MTSS1: variants seen among roughly 807,000 people sequenced by gnomAD.
MTSS1 encodes MTSS I-BAR domain containing 1.
In MTSS1, 18 loss-of-function variants were observed where a neutral mutation model predicts 79.0. The observed-to-expected ratio is 0.23, with a 90% confidence interval of 0.16 to 0.34. MTSS1 has a LOEUF of 0.34. Among genes scored for constraint, MTSS1 ranks in the 10% least tolerant of loss-of-function variants. The pLI, the probability that MTSS1 is intolerant of heterozygous loss-of-function variation, is 1.00. For missense variants in MTSS1, 815 were observed against 986.2 expected (o/e 0.83, Z 2.33); for synonymous variants, 341 against 368.6 (o/e 0.93, Z 0.86).
At chr8:124,617,711 T>C (rs146802688) in intron 3 of MTSS1, among the ~76,000 whole-genome samples, 2,223 of 152,178 alleles carry the variant, frequency 0.015, 22 homozygotes, top group South Asian at 0.036. Flanking sequence ...AAAATCAGAG[T>C]GGACCTGGAG....
chr8:124,580,385 G>A (rs985131733), intron 6 of MTSS1: 27 of 649,362 alleles, frequency 4.2e-5, no homozygotes, highest in Middle Eastern at 4.3e-4. Context: ...AAAACACAAC[G>A]CACACACAAT....
At chr8:124,577,630 A>G (rs781645500) in intron 6 of MTSS1, 2 of 518,878 alleles carry the variant, frequency 3.9e-6, no homozygotes, top group South Asian at 2.8e-5. Flanking sequence ...GTAAAATTCT[A>G]GCATCCCTGC....
chr8:124,568,676 G>A (rs767324234), intron 6 of MTSS1, 140 bp from the exon 7 acceptor site: 1 of 1,477,252 alleles, frequency 6.8e-7, no homozygotes, highest in Non-Finnish European at 9.2e-7. Flanking sequence ...TGCCCCAAAA[G>A]GATTTAAGGC....
chr8:124,552,745 A>G lies in MTSS1; in HGVS notation c.*247T>C. 1 of 446,160 alleles carries G rather than the reference A, an allele frequency of 2.2e-6. No individual in the cohort carries two copies. Among genetic ancestry groups the G allele is most frequent in the Non-Finnish European group, 3.9e-6 (1 of 255,082 alleles). The allele number at this position is 446,160 out of a possible 1,614,324, so 27.6% of individuals were successfully genotyped here. A position where few individuals can be genotyped will look rare whatever the true frequency, so the allele number is the denominator to read the frequency against. ...GGAATTTGGCACCTTCAGAAAAATC[A>G]AAAGGGAAACTAAGATTAAAATGTG... On this transcript the variant is annotated 3_prime_UTR_variant, in exon 14 of 14. Coordinates refer to ENST00000518547, the MANE Select transcript of MTSS1 (RefSeq NM_014751.6).
chr8:124,669,930 T>C (rs1823808673), intron 3 of MTSS1, among the ~76,000 whole-genome samples: 1 of 152,224 alleles, frequency 6.6e-6, no homozygotes, highest in African/African-American at 2.4e-5. Flanking sequence ...CAGGCTATTT[T>C]AACATTCATT....
rs747089190 is a variant in MTSS1, at chr8:124,591,129, G to A, written c.293+22C>T. ...GAAATCTGCAAGGGTGTTGGCGATCGGGGCCAAAACATGCTCCTCACCTCG... is the reference window on the plus strand; with the variant it reads ...GAAATCTGCAAGGGTGTTGGCGATCAGGGCCAAAACATGCTCCTCACCTCG... On this transcript the variant is annotated intron_variant, in intron 4 of 13. Coordinates refer to ENST00000518547, the MANE Select transcript of MTSS1 (RefSeq NM_014751.6). The A allele has an allele frequency of 2.7e-5, 44 of 1,607,428 alleles. No homozygotes were observed. The Middle Eastern group carries it at 1.0e-3, about 37-fold the overall frequency.
At chr8:124,583,109 T>C (rs1010604296) in intron 6 of MTSS1, among the ~76,000 whole-genome samples, 3 of 152,154 alleles carry the variant, frequency 2.0e-5, no homozygotes, top group Admixed American at 2.0e-4. Flanking sequence ...ATCTGACCGA[T>C]CTCGTGGACC....
intron 3 of MTSS1, among the ~76,000 whole-genome samples, chr8:124,611,678 T>C (rs1456841559): frequency 2.0e-5 from 3 of 152,188 alleles, no homozygotes; most frequent in Non-Finnish European, 4.4e-5. Flanking sequence ...ACCACCATCC[T>C]GAACAAGCTT....
chr8:124,573,076 C>G (rs1828191287), intron 6 of MTSS1, among the ~76,000 whole-genome samples: 1 of 152,204 alleles, frequency 6.6e-6, no homozygotes, highest in Admixed American at 6.5e-5. Context: ...CAAATATTCT[C>G]ACTGCTTTTC....
At chr8:124,594,269 G>A (rs1190346736) in intron 3 of MTSS1, among the ~76,000 whole-genome samples, 1 of 152,176 alleles carries the variant, frequency 6.6e-6, no homozygotes, top group African/African-American at 2.4e-5. Context: ...AGTGGCTCAC[G>A]CCTGTAACCC....
At chr8:124,689,968 A>T (rs1827676191) in intron 3 of MTSS1, among the ~76,000 whole-genome samples, 1 of 152,122 alleles carries the variant, frequency 6.6e-6, no homozygotes, top group African/African-American at 2.4e-5. Context: ...AGAAGAGGGG[A>T]GAATTGTCAG....
At chr8:124,696,564 T>A (rs1828855989) in intron 3 of MTSS1, among the ~76,000 whole-genome samples, 1 of 152,070 alleles carries the variant, frequency 6.6e-6, no homozygotes, top group Admixed American at 6.6e-5. Flanking sequence ...TAAAAATATG[T>A]CAAAGCAGCC....
At chr8:124,690,901 C>A (rs1220115520) in intron 3 of MTSS1, among the ~76,000 whole-genome samples, 1 of 152,050 alleles carries the variant, frequency 6.6e-6, no homozygotes, top group African/African-American at 2.4e-5. Context: ...TATACAGATT[C>A]ATTTGTTATT....
chr8:124,612,395 A>G (rs1835978919), intron 3 of MTSS1, among the ~76,000 whole-genome samples: 1 of 152,170 alleles, frequency 6.6e-6, no homozygotes, highest in South Asian at 2.1e-4. Flanking sequence ...AGGAGAGAAG[A>G]GATTTGCATT....
At chr8:124,617,660 T>TG (rs1812659904) in intron 3 of MTSS1, among the ~76,000 whole-genome samples, 1 of 152,172 alleles carries the variant, frequency 6.6e-6, no homozygotes, top group Non-Finnish European at 1.5e-5. Context: ...CACAAGCCCC[T>TG]GGGCACCCTC....
At chr8:124,573,836 TG>T (rs1828386238) in intron 6 of MTSS1, among the ~76,000 whole-genome samples, 1 of 152,210 alleles carries the variant, frequency 6.6e-6, no homozygotes, top group African/African-American at 2.4e-5. Context: ...CCAGGTCTTG[TG>T]TATTCACGCT....
At chr8:124,717,926 T>C (rs990209162) in intron 1 of MTSS1, among the ~76,000 whole-genome samples, 1 of 152,162 alleles carries the variant, frequency 6.6e-6, no homozygotes, top group South Asian at 2.1e-4. Flanking sequence ...AAGTATGTTT[T>C]GACCAAATGA....
At chr8:124,560,253 G>T (rs1321943641) in intron 10 of MTSS1, among the ~76,000 whole-genome samples, 1 of 152,250 alleles carries the variant, frequency 6.6e-6, no homozygotes, top group Non-Finnish European at 1.5e-5. Context: ...AGATGTGGTG[G>T]CTCATGCCTG....
At chr8:124,611,507 T>C (rs943838169) in intron 3 of MTSS1, among the ~76,000 whole-genome samples, 1 of 151,994 alleles carries the variant, frequency 6.6e-6, no homozygotes, top group Non-Finnish European at 1.5e-5. Flanking sequence ...GATACTCTCC[T>C]ACAGGCCTAC....
Sources: allele counts gnomAD v4.1 joint callset (sites outside exome capture counted in the v4.1 genomes callset), GRCh38; gene constraint gnomAD v4.1.1; transcripts MANE v1.5; gene names NCBI Gene and HGNC (gene_info 2026-07-23, HGNC 2026-07-21).